NRXN1: variants seen among roughly 807,000 people sequenced by gnomAD.
The protein encoded by NRXN1 is neurexin 1, also known as neurexin-1.
In NRXN1, 39 loss-of-function variants were observed where a neutral mutation model predicts 150.9. That is an observed-to-expected ratio of 0.26 (90% confidence interval 0.20 to 0.34). NRXN1 has a LOEUF of 0.34. Among genes scored for constraint, NRXN1 ranks in the 10% least tolerant of loss-of-function variants. NRXN1 has a pLI of 1.00. For synonymous variants in NRXN1, 924 were observed against 757.0 expected (o/e 1.22, Z -3.62); for missense variants, 1,815 against 1,949.9 (o/e 0.93, Z 1.30).
At chr2:50,130,184 A>G (rs924332695) in intron 18 of NRXN1, among the ~76,000 whole-genome samples, 5 of 152,036 alleles carry the variant, frequency 3.3e-5, no homozygotes, top group Non-Finnish European at 7.4e-5. Context: ...AGGAGTAAAG[A>G]TTTCTATTTT....
At chr2:50,755,278 A>C (rs1701037931) in intron 5 of NRXN1, among the ~76,000 whole-genome samples, 1 of 151,878 alleles carries the variant, frequency 6.6e-6, no homozygotes, top group African/African-American at 2.4e-5. Context: ...CAATTAAGTC[A>C]GTAACCTCTC....
At chr2:50,249,035 T>C (rs1433190750) in intron 17 of NRXN1, among the ~76,000 whole-genome samples, 1 of 150,518 alleles carries the variant, frequency 6.6e-6, no homozygotes, top group East Asian at 1.9e-4. Context: ...CACACATCTG[T>C]AGTCCTAGCT....
chr2:50,351,772 C>T (rs2078430113), intron 17 of NRXN1, among the ~76,000 whole-genome samples: 1 of 152,114 alleles, frequency 6.6e-6, no homozygotes, highest in Non-Finnish European at 1.5e-5. Context: ...AGTTCTTAGT[C>T]ACTTAATTCT....
chr2:51,004,947 C>T (rs1378117062), intron 2 of NRXN1, among the ~76,000 whole-genome samples: 4 of 151,728 alleles, frequency 2.6e-5, no homozygotes, highest in South Asian at 2.1e-4. Flanking sequence ...TGAACCTTAC[C>T]GCATAAGATG....
intron 9 of NRXN1, among the ~76,000 whole-genome samples, chr2:50,540,992 A>G (rs978343847): frequency 6.6e-6 from 1 of 152,126 alleles, no homozygotes; most frequent in Admixed American, 6.6e-5. Flanking sequence ...AAAAGAGAGA[A>G]GGATTCTACT....
At chr2:50,625,463 C>T (rs1451924335) in intron 5 of NRXN1, among the ~76,000 whole-genome samples, 1 of 152,078 alleles carries the variant, frequency 6.6e-6, no homozygotes, top group Non-Finnish European at 1.5e-5. Flanking sequence ...CCCTCCCATT[C>T]AAACGCTCAG....
At chr2:50,696,287 A>G (rs1244688752) in intron 5 of NRXN1, 1 of 152,564 alleles carries the variant, frequency 6.6e-6, no homozygotes, top group African/African-American at 2.4e-5. Context: ...AATGTTCTAT[A>G]CATATGAAAA....
rs140660208 is a variant in NRXN1, at chr2:50,229,501, C to T, written c.3546+7288G>A. On this transcript the variant is annotated intron_variant, in intron 18 of 22. Transcript: ENST00000401669. ...TCTGCAAAGCCTCCTTAATAACGTGCTTGCATATAGTTTAAATTATTGCTC... is the reference window on the plus strand; with the variant it reads ...TCTGCAAAGCCTCCTTAATAACGTGTTTGCATATAGTTTAAATTATTGCTC... Among the ~76,000 whole-genome samples the T allele has an allele frequency of 7.9e-3, 1,204 of 152,086 alleles. 6 individuals are homozygous for T. Among genetic ancestry groups the T allele is most frequent in the Non-Finnish European group, 0.014 (942 of 67,974 alleles).
chr2:49,922,813 T>A (rs1236240901), intron 22 of NRXN1, among the ~76,000 whole-genome samples: 2 of 152,226 alleles, frequency 1.3e-5, no homozygotes, highest in Non-Finnish European at 2.9e-5. Flanking sequence ...TACATTTTTA[T>A]AAATAAAAAT....
chr2:50,018,793 T>C (rs1207279091), intron 21 of NRXN1, among the ~76,000 whole-genome samples: 2 of 152,222 alleles, frequency 1.3e-5, no homozygotes, highest in Admixed American at 6.5e-5. Context: ...GCTAACTGTT[T>C]CACTAACATT....
At chr2:50,157,443 G>A (rs970939651) in intron 18 of NRXN1, among the ~76,000 whole-genome samples, 18 of 151,984 alleles carry the variant, frequency 1.2e-4, no homozygotes, top group Non-Finnish European at 8.8e-5. Flanking sequence ...TATTATTCCA[G>A]GAATACGTAT....
chr2:50,420,665 T>C (rs944488160), intron 17 of NRXN1, among the ~76,000 whole-genome samples: 5 of 152,032 alleles, frequency 3.3e-5, no homozygotes, highest in African/African-American at 1.2e-4. Flanking sequence ...GGTTCTAGCA[T>C]TGTGTGATAA....
chr2:50,150,195 T>A (rs1001887863), intron 18 of NRXN1, among the ~76,000 whole-genome samples: 2 of 151,800 alleles, frequency 1.3e-5, no homozygotes, highest in African/African-American at 2.4e-5. Flanking sequence ...GACCTAGAGT[T>A]AATCACCTTT....
chr2:50,264,933 T>C (rs1377289891), intron 17 of NRXN1, among the ~76,000 whole-genome samples: 2 of 152,088 alleles, frequency 1.3e-5, no homozygotes, highest in African/African-American at 4.8e-5. Flanking sequence ...AAGTCAGGGG[T>C]CCTAGATTTT....
At chr2:50,154,203 T>C (rs893328592) in intron 18 of NRXN1, among the ~76,000 whole-genome samples, 2 of 151,642 alleles carry the variant, frequency 1.3e-5, no homozygotes, top group Admixed American at 6.6e-5. Flanking sequence ...CTAATCTACA[T>C]ATAGTTTCTT....
intron 17 of NRXN1, among the ~76,000 whole-genome samples, chr2:50,342,615 G>T (rs1042140302): frequency 6.6e-6 from 1 of 152,224 alleles, no homozygotes; most frequent in South Asian, 2.1e-4. Flanking sequence ...AATCAATGAA[G>T]TAATCTGCAG....
At chr2:49,964,486 G>T (rs182888082) in intron 21 of NRXN1, among the ~76,000 whole-genome samples, 27 of 151,716 alleles carry the variant, frequency 1.8e-4, no homozygotes, top group Non-Finnish European at 2.9e-5. Context: ...AGGCTGAGGC[G>T]GGAAAATTGC....
chr2:49,938,132 G>A (rs1289460791), intron 22 of NRXN1, among the ~76,000 whole-genome samples: 1 of 152,118 alleles, frequency 6.6e-6, no homozygotes, highest in Non-Finnish European at 1.5e-5. Flanking sequence ...CTATATTTGT[G>A]AGGTGCCTGA....
At chr2:50,000,950 A>G (rs536642649) in intron 21 of NRXN1, among the ~76,000 whole-genome samples, 3 of 152,298 alleles carry the variant, frequency 2.0e-5, no homozygotes, top group Admixed American at 2.0e-4. Flanking sequence ...GTCAGACAAC[A>G]CGGCCTTAAT....
Sources: allele counts gnomAD v4.1 joint callset (sites outside exome capture counted in the v4.1 genomes callset), GRCh38; gene constraint gnomAD v4.1.1; transcripts MANE v1.5; gene names NCBI Gene and HGNC (gene_info 2026-07-23, HGNC 2026-07-21).